The following NXNL2 variants were observed in gnomAD, a reference collection of about 807,000 sequenced individuals.
NXNL2 encodes nucleoredoxin-like protein 2.
In NXNL2, 7 loss-of-function variants were observed where a neutral mutation model predicts 11.1. That is an observed-to-expected ratio of 0.63 (90% CI 0.36 to 1.18). NXNL2 has a LOEUF of 1.18. NXNL2 is among the 50% of genes most tolerant of loss of function. The probability of loss-of-function intolerance (pLI) is 0.02; values close to 1 mark genes in which losing one functional copy is unlikely to be tolerated. For synonymous variants in NXNL2, 109 were observed against 101.8 expected (o/e 1.07, Z -0.42); for missense variants, 233 against 217.7 (o/e 1.07, Z -0.44).
chr9:88,567,094 T>G (rs370935842), intron 1 of NXNL2, among the ~76,000 whole-genome samples: 1 of 152,196 alleles, frequency 6.6e-6, no homozygotes, highest in East Asian at 1.9e-4. Flanking sequence ...GCCTGGTTGA[T>G]AGAACTGGTA....
intron 1 of NXNL2, among the ~76,000 whole-genome samples, chr9:88,582,591 C>CCTTCCTTCCTTCCTTCCTTT (rs1291766319): frequency 1.3e-5 from 2 of 151,282 alleles, no homozygotes; most frequent in African/African-American, 4.8e-5. Flanking sequence ...TTAAAACAAT[C>CCTTCCTTCCTTCCTTCCTTT]CTTCCTTCCT....
chr9:88,576,082 C>T (rs928152095), downstream of NXNL2, among the ~76,000 whole-genome samples: 2 of 152,152 alleles, frequency 1.3e-5, no homozygotes, highest in African/African-American at 4.8e-5. Flanking sequence ...GTAATCCCAG[C>T]TACTTGGGAG....
rs569959540 is a variant in NXNL2, at chr9:88,541,303, C to T, written c.303-3076C>T. ...AGAGCTAGGGTCTTGCACCGTCATC[C>T]AGGCTGGAGTGCAGTGGTGTGATCA... On this transcript the variant is annotated intron_variant, in intron 1 of 1. Transcript: ENST00000375854. Among the ~76,000 whole-genome samples the T allele has an allele frequency of 5.3e-5, 8 of 151,920 alleles. No individual in the cohort carries two copies. In the South Asian group the frequency reaches 1.7e-3, roughly 32 times the overall value.
At chr9:88,542,803 G>A (rs2118418464) in intron 1 of NXNL2, among the ~76,000 whole-genome samples, 1 of 152,282 alleles carries the variant, frequency 6.6e-6, no homozygotes, top group East Asian at 1.9e-4. Context: ...GAGTGATGGT[G>A]TGTCTTTGAC....
downstream of NXNL2, among the ~76,000 whole-genome samples, chr9:88,580,726 C>T (rs1044798020): frequency 1.3e-5 from 2 of 152,150 alleles, no homozygotes; most frequent in Non-Finnish European, 1.5e-5. Flanking sequence ...TTAACGAATC[C>T]ACCCATGCTC....
chr9:88,560,077 T>C (rs544951370), intron 1 of NXNL2, among the ~76,000 whole-genome samples: 7 of 152,264 alleles, frequency 4.6e-5, no homozygotes, highest in Non-Finnish European at 1.0e-4. Context: ...TTGCAGAGTA[T>C]TCCTGTCTTT....
chr9:88,562,767 G>A (rs1278869001), intron 1 of NXNL2, among the ~76,000 whole-genome samples: 1 of 145,976 alleles, frequency 6.9e-6, no homozygotes, highest in East Asian at 2.1e-4. Context: ...AAAAAAAATT[G>A]TAGTGAGGCA....
At chr9:88,536,815 G>A (rs952520510) in intron 1 of NXNL2, among the ~76,000 whole-genome samples, 1 of 152,180 alleles carries the variant, frequency 6.6e-6, no homozygotes, top group Non-Finnish European at 1.5e-5. Flanking sequence ...GCCTTCCAGG[G>A]GGGTAACCTG....
chr9:88,563,635 C>T (rs1015737887), intron 1 of NXNL2, among the ~76,000 whole-genome samples: 15 of 152,160 alleles, frequency 9.9e-5, no homozygotes, highest in African/African-American at 3.6e-4. Context: ...GGTGTTGCTG[C>T]TTCTCAGTGC....
At chr9:88,554,182 C>T (rs1829982134) in intron 1 of NXNL2, among the ~76,000 whole-genome samples, 1 of 152,084 alleles carries the variant, frequency 6.6e-6, no homozygotes, top group South Asian at 2.1e-4. Context: ...CTGCCCCATT[C>T]TGACACCATG....
chr9:88,567,163 G>T (rs992051668), intron 1 of NXNL2, among the ~76,000 whole-genome samples: 1 of 151,880 alleles, frequency 6.6e-6, no homozygotes, highest in Non-Finnish European at 1.5e-5. Context: ...TTCTCTGGGG[G>T]AGTCTTGCTC....
At chr9:88,571,586 C>T (rs1002682441) in intron 2 of NXNL2, among the ~76,000 whole-genome samples, 11 of 152,328 alleles carry the variant, frequency 7.2e-5, no homozygotes, top group Admixed American at 3.3e-4. Flanking sequence ...CTGTGCTGCG[C>T]GTGTGGAGTG....
chr9:88,570,902 C>G (rs1830252296), intron 1 of NXNL2, among the ~76,000 whole-genome samples: 1 of 151,816 alleles, frequency 6.6e-6, no homozygotes, highest in Non-Finnish European at 1.5e-5. Flanking sequence ...ACCACCATGC[C>G]TGGCTAATTT....
chr9:88,542,004 G>T (rs1003048181), intron 1 of NXNL2, among the ~76,000 whole-genome samples: 2 of 151,992 alleles, frequency 1.3e-5, no homozygotes. Flanking sequence ...GCCGAGGTAG[G>T]CGGATCACGA....
intron 2 of NXNL2, among the ~76,000 whole-genome samples, chr9:88,571,935 G>C (rs1830272686): frequency 2.6e-5 from 4 of 152,146 alleles, no homozygotes; most frequent in African/African-American, 7.2e-5. Context: ...CGCAGGGAGG[G>C]GGTGGCCACA....
intron 1 of NXNL2, among the ~76,000 whole-genome samples, chr9:88,536,971 CAA>C (rs1829635009): frequency 6.6e-6 from 1 of 152,206 alleles, no homozygotes; most frequent in East Asian, 1.9e-4. Context: ...GTTTAGTACT[CAA>C]GTTATTTGTA....
chr9:88,582,750 C>A (rs1830423212), intron 1 of NXNL2, among the ~76,000 whole-genome samples: 1 of 151,518 alleles, frequency 6.6e-6, no homozygotes, highest in African/African-American at 2.4e-5. Flanking sequence ...CTCACTGCAA[C>A]CTCCACCTCC....
intron 1 of NXNL2, among the ~76,000 whole-genome samples, chr9:88,557,587 G>A (rs1372854626): frequency 6.6e-6 from 1 of 152,218 alleles, no homozygotes; most frequent in East Asian, 1.9e-4. Context: ...GTGGAGTGGA[G>A]CCACCAACAG....
chr9:88,536,767 T>G lies in NXNL2; in HGVS notation c.302+1031T>G, dbSNP rs1350287641. 2.0e-5 allele frequency among the ~76,000 whole-genome samples: 3 copies of G among 152,222 alleles called. No individual in the cohort carries two copies. The East Asian group carries it at 5.8e-4, about 29-fold the overall frequency. On this transcript the variant is annotated intron_variant, in intron 1 of 1. Coordinates refer to ENST00000375854, the MANE Select transcript of NXNL2 (RefSeq NM_001161625.2). ...TCCCCCAAACATGATTTTTGGTGATTCCCAGTGAAAGAGGAGGCCCAGGCA... is the reference window on the plus strand; with the variant it reads ...TCCCCCAAACATGATTTTTGGTGATGCCCAGTGAAAGAGGAGGCCCAGGCA...
Sources: gnomAD v4.1 joint callset for allele counts (sites outside exome capture counted in the v4.1 genomes callset) on GRCh38, gnomAD v4.1.1 for gene constraint, MANE v1.5 for transcripts, NCBI Gene and HGNC (gene_info 2026-07-23, HGNC 2026-07-21) for gene names.